Variants in CTNNA2 observed in about 807,000 individuals in gnomAD.
CTNNA2 encodes the protein catenin alpha-2.
A neutral mutation model predicts 101.0 loss-of-function variants in CTNNA2; 42 were observed. The observed-to-expected ratio is 0.42, with a 90% CI of 0.32 to 0.54. CTNNA2 has a LOEUF of 0.54. Among genes scored for constraint, CTNNA2 ranks in the 20% least tolerant of loss-of-function variants. The pLI, the probability that CTNNA2 is intolerant of heterozygous loss-of-function variation, is 0.14. For synonymous variants in CTNNA2, 450 were observed against 456.4 expected (o/e 0.99, Z 0.18); for missense variants, 871 against 1,223.1 (o/e 0.71, Z 4.29).
chr2:80,553,930 T>A (rs1692799032), intron 11 of CTNNA2, among the ~76,000 whole-genome samples: 2 of 152,168 alleles, frequency 1.3e-5, no homozygotes, highest in African/African-American at 4.8e-5. Context: ...AATGTCATGA[T>A]TTGGGAAGTA....
intron 7 of CTNNA2, among the ~76,000 whole-genome samples, chr2:79,939,374 C>T (rs1451531772): frequency 5.9e-5 from 9 of 152,124 alleles, no homozygotes. Context: ...TACCTGTTTA[C>T]ATTGGAATAA....
intron 1 of CTNNA2, among the ~76,000 whole-genome samples, chr2:79,193,588 T>A (rs941243659): frequency 2.6e-5 from 4 of 152,160 alleles, no homozygotes; most frequent in African/African-American, 9.7e-5. Flanking sequence ...GTATCCCCAA[T>A]ATTAAGTCAT....
intron 7 of CTNNA2, among the ~76,000 whole-genome samples, chr2:80,021,957 C>A (rs979294221): frequency 1.3e-5 from 2 of 152,156 alleles, no homozygotes; most frequent in Admixed American, 1.3e-4. Context: ...CTACAGTTTA[C>A]AATAGTGAAC....
chr2:80,011,159 A>G (rs1320951180), intron 7 of CTNNA2, among the ~76,000 whole-genome samples: 1 of 152,176 alleles, frequency 6.6e-6, no homozygotes, highest in Admixed American at 6.5e-5. Context: ...TATTTAAAAA[A>G]CCTAGAGTCC....
At chr2:79,972,840 A>G (rs183734400) in intron 7 of CTNNA2, among the ~76,000 whole-genome samples, 114 of 152,250 alleles carry the variant, frequency 7.5e-4, no homozygotes, top group African/African-American at 2.7e-3. Context: ...GTTTGGCAAT[A>G]CTGTTAGTGT....
intron 7 of CTNNA2, among the ~76,000 whole-genome samples, chr2:79,970,166 G>A (rs1025688211): frequency 6.6e-6 from 1 of 152,172 alleles, no homozygotes; most frequent in Non-Finnish European, 1.5e-5. Flanking sequence ...GTGTTATAGA[G>A]AAAGGGAATT....
At chr2:80,046,857 G>C in intron 7 of CTNNA2, among the ~76,000 whole-genome samples, 1 of 152,194 alleles carries the variant, frequency 6.6e-6, no homozygotes, top group East Asian at 1.9e-4. Flanking sequence ...TTATAAGGAA[G>C]CTGTAGCTCA....
Position 79,596,519 on chromosome 2 carries a change from C to T in CTNNA2, c.-5-55033C>T, listed in dbSNP as rs376832574. Reference sequence around the variant, plus strand: ...AATAAAGCTCTGGCAACCAGTGCACCCAAGGAATGACCAGACAGCAATGAC... The same window carrying T: ...AATAAAGCTCTGGCAACCAGTGCACTCAAGGAATGACCAGACAGCAATGAC... On this transcript the variant is annotated intron_variant, in intron 1 of 18. Coordinates refer to ENST00000402739, the MANE Select transcript of CTNNA2 (RefSeq NM_001282597.3). Among the ~76,000 whole-genome samples, 19 of 152,040 alleles carry T rather than the reference C, an allele frequency of 1.2e-4. No individual in the cohort carries two copies. The Middle Eastern group carries it at 0.014, about 109-fold the overall frequency.
chr2:80,501,710 T>C lies in CTNNA2; in HGVS notation c.1291-43272T>C, dbSNP rs150861118. Among the ~76,000 whole-genome samples the C allele has an allele frequency of 4.8e-3, 734 of 152,182 alleles. 9 individuals carry two copies. The highest frequency in any genetic ancestry group is 0.017 in the African/African-American group (692 of 41,530). ...CCCTAAGGGAGTGGGGGAAGCAAAA[T>C]TGGATATGCGGGGAAAGCCAAGCAA... On this transcript the variant is annotated intron_variant, in intron 9 of 18. Coordinates refer to ENST00000402739, the MANE Select transcript of CTNNA2 (RefSeq NM_001282597.3).
chr2:79,647,521 A>G (rs1553443614), intron 1 of CTNNA2, among the ~76,000 whole-genome samples: 1 of 151,650 alleles, frequency 6.6e-6, no homozygotes, highest in Non-Finnish European at 1.5e-5. Context: ...TTTTTTTTTC[A>G]GTATACGTTC....
At chr2:79,837,617 G>A (rs767654438) in intron 3 of CTNNA2, among the ~76,000 whole-genome samples, 1 of 151,654 alleles carries the variant, frequency 6.6e-6, no homozygotes, top group Admixed American at 6.6e-5. Flanking sequence ...TTTTTTTTCA[G>A]GTACATATGT....
chr2:80,314,169 C>A (rs1321921853), intron 7 of CTNNA2, among the ~76,000 whole-genome samples: 2 of 152,122 alleles, frequency 1.3e-5, no homozygotes, highest in African/African-American at 4.8e-5. Context: ...ATTAGAATAC[C>A]AGCTGATGCA....
intron 12 of CTNNA2, among the ~76,000 whole-genome samples, chr2:80,566,642 G>A (rs1345230472): frequency 6.6e-6 from 1 of 152,172 alleles, no homozygotes; most frequent in Non-Finnish European, 1.5e-5. Flanking sequence ...CATACAGTAT[G>A]TGGACAGGAG....
chr2:79,457,575 G>A (rs1670839303), intron 4 of CTNNA2, among the ~76,000 whole-genome samples: 2 of 152,114 alleles, frequency 1.3e-5, no homozygotes, highest in Admixed American at 6.5e-5. Context: ...ACCAGAGCAA[G>A]CCCAGTTATA....
chr2:79,986,818 A>C (rs1398429848), intron 7 of CTNNA2, among the ~76,000 whole-genome samples: 2 of 152,192 alleles, frequency 1.3e-5, no homozygotes, highest in Non-Finnish European at 1.5e-5. Context: ...CAACATGAAG[A>C]GTAGCCCAAA....
At chr2:79,471,679 A>C (rs1452249156) in intron 4 of CTNNA2, among the ~76,000 whole-genome samples, 1 of 152,058 alleles carries the variant, frequency 6.6e-6, no homozygotes, top group African/African-American at 2.4e-5. Flanking sequence ...TCTACTAAAA[A>C]TACAAAAAAT....
At chr2:80,526,779 G>A (rs181374086) in intron 9 of CTNNA2, among the ~76,000 whole-genome samples, 179 of 152,294 alleles carry the variant, frequency 1.2e-3, no homozygotes, top group South Asian at 7.9e-3. Flanking sequence ...CAACTCTTGC[G>A]TCATTTCAGG....
chr2:79,631,613 G>T (rs1236628491), intron 1 of CTNNA2, among the ~76,000 whole-genome samples: 1 of 152,180 alleles, frequency 6.6e-6, no homozygotes, highest in Non-Finnish European at 1.5e-5. Flanking sequence ...TACAAGAAAT[G>T]CTAACTCTCA....
At chr2:80,290,163 G>C (rs1360348451) in intron 7 of CTNNA2, among the ~76,000 whole-genome samples, 1 of 152,178 alleles carries the variant, frequency 6.6e-6, no homozygotes, top group Non-Finnish European at 1.5e-5. Flanking sequence ...TTGAGGTACA[G>C]AAAAGTGCTG....
Sources: gnomAD v4.1 joint callset for allele counts (sites outside exome capture counted in the v4.1 genomes callset) on GRCh38, gnomAD v4.1.1 for gene constraint, MANE v1.5 for transcripts, NCBI Gene and HGNC (gene_info 2026-07-23, HGNC 2026-07-21) for gene names.